The following CDC42BPA variants were observed in gnomAD, a reference collection of about 807,000 sequenced individuals.
The protein encoded by CDC42BPA is serine/threonine-protein kinase MRCK alpha.
Under a neutral mutation model 223.5 loss-of-function variants are expected in CDC42BPA, and 80 were observed. The observed-to-expected ratio is 0.36, with a 90% confidence interval of 0.30 to 0.43. CDC42BPA has a LOEUF of 0.43. Among genes scored for constraint, CDC42BPA ranks in the 20% least tolerant of loss-of-function variants. CDC42BPA has a pLI of 1.00. For synonymous variants in CDC42BPA, 694 were observed against 718.6 expected, an observed-to-expected ratio of 0.97 and a Z score of 0.55; for missense variants, 1,743 against 2,099.9, an observed-to-expected ratio of 0.83 and a Z score of 3.32.
intron 1 of CDC42BPA, among the ~76,000 whole-genome samples, chr1:227,314,973 A>C (rs1177619178): frequency 1.3e-5 from 2 of 152,058 alleles, no homozygotes; most frequent in African/African-American, 4.8e-5. Flanking sequence ...TTGTTAAGTA[A>C]TTAAAATAAA....
At chr1:227,263,338 C>T (rs1246432069) in intron 1 of CDC42BPA, among the ~76,000 whole-genome samples, 1 of 152,064 alleles carries the variant, frequency 6.6e-6, no homozygotes, top group African/African-American at 2.4e-5. Flanking sequence ...GTTACACCTG[C>T]ATGGTATTTA....
chr1:227,059,266 T>C, intron 21 of CDC42BPA: 1 of 882,044 alleles, frequency 1.1e-6, no homozygotes, highest in Non-Finnish European at 1.8e-6. Context: ...GCAATAGATG[T>C]AATAATATAC....
rs979177467 is a variant in CDC42BPA at position 227,215,007 on chromosome 1, T to C, written c.271-1788A>G. On this transcript the variant is annotated intron_variant, in intron 2 of 36. Transcript: ENST00000366766. ...GGCAGCATGTAGTGACATCAGGCTA[T>C]TAATATTCTTGCTTTTTAATCTCAC... Among the ~76,000 whole-genome samples, 85 of 152,324 alleles carry C rather than the reference T, an allele frequency of 5.6e-4. 1 individual carries two copies. In the Middle Eastern group the frequency reaches 0.01, roughly 18 times the overall value.
intron 1 of CDC42BPA, among the ~76,000 whole-genome samples, chr1:227,254,864 T>C (rs1046457382): frequency 4.6e-5 from 7 of 152,158 alleles, no homozygotes; most frequent in African/African-American, 1.7e-4. Context: ...AAATAGAATC[T>C]TGCTGCTTTG....
chr1:227,080,238 C>T (rs1680354583), intron 17 of CDC42BPA, among the ~76,000 whole-genome samples: 2 of 146,658 alleles, frequency 1.4e-5, no homozygotes, highest in Admixed American at 1.4e-4. Context: ...GTTAAGTTAC[C>T]TATTTTTACT....
chr1:227,136,151 GA>G (rs1240319670), intron 10 of CDC42BPA, among the ~76,000 whole-genome samples: 1 of 151,836 alleles, frequency 6.6e-6, no homozygotes, highest in African/African-American at 2.4e-5. Context: ...AGAAAACAGA[GA>G]AAAAAATACA....
intron 21 of CDC42BPA, among the ~76,000 whole-genome samples, chr1:227,064,824 A>G (rs1676645007): frequency 6.6e-6 from 1 of 152,116 alleles, no homozygotes; most frequent in Non-Finnish European, 1.5e-5. Flanking sequence ...CCAGTCAGGC[A>G]TGGTGGCTCA....
intron 14 of CDC42BPA, chr1:227,111,927 T>G: frequency 6.3e-6 from 1 of 159,040 alleles, no homozygotes; most frequent in Non-Finnish European, 1.4e-5. Context: ...ACTATGCCCA[T>G]TATCATCTTA....
chr1:227,132,544 GGCT>G (rs1657386155), intron 10 of CDC42BPA, among the ~76,000 whole-genome samples: 1 of 139,714 alleles, frequency 7.2e-6, no homozygotes, highest in Admixed American at 7.1e-5. Context: ...GCCTCTGCCT[GGCT>G]GCCACCCCGT....
chr1:227,048,779 A>C (rs1005266169), intron 22 of CDC42BPA, among the ~76,000 whole-genome samples: 1 of 148,236 alleles, frequency 6.7e-6, no homozygotes, highest in Admixed American at 6.7e-5. Context: ...AAAGACATGG[A>C]AAGTAACTTC....
chr1:227,210,533 T>C (rs546204049), intron 3 of CDC42BPA, among the ~76,000 whole-genome samples: 46 of 152,346 alleles, frequency 3.0e-4, no homozygotes, highest in Non-Finnish European at 5.1e-4. Context: ...ACTTGTTAAT[T>C]GAATAAAATA....
chr1:227,263,853 A>T (rs1190745760), intron 1 of CDC42BPA, among the ~76,000 whole-genome samples: 3 of 152,208 alleles, frequency 2.0e-5, no homozygotes. Context: ...AAGTGCTGGG[A>T]CTACAGGCAT....
At chr1:227,113,768 T>G (rs1687314095) in intron 12 of CDC42BPA, among the ~76,000 whole-genome samples, 1 of 151,638 alleles carries the variant, frequency 6.6e-6, no homozygotes, top group Non-Finnish European at 1.5e-5. Context: ...ATCCCAGCAC[T>G]TTGGGAGGCT....
chr1:227,067,198 C>T (rs531946957), intron 21 of CDC42BPA, among the ~76,000 whole-genome samples: 5 of 152,108 alleles, frequency 3.3e-5, no homozygotes, highest in East Asian at 1.9e-4. Context: ...GAAATGGCTG[C>T]GGGGTGCTCA....
intron 34 of CDC42BPA, among the ~76,000 whole-genome samples, chr1:227,005,533 T>C (rs1663850727): frequency 6.6e-6 from 1 of 152,226 alleles, no homozygotes; most frequent in Non-Finnish European, 1.5e-5. Flanking sequence ...ATTATATTCT[T>C]CTCAAGAAAA....
intron 32 of CDC42BPA, among the ~76,000 whole-genome samples, chr1:227,022,034 AT>A (rs60059546): frequency 0.41 from 60,873 of 148,842 alleles, 12,658 homozygotes; most frequent in Non-Finnish European, 0.46. Flanking sequence ...CAAAAAAAAA[AT>A]AAAATAAAAA....
At chr1:227,241,897 G>C (rs1190465683) in intron 2 of CDC42BPA, among the ~76,000 whole-genome samples, 1 of 151,988 alleles carries the variant, frequency 6.6e-6, no homozygotes. Flanking sequence ...TTATTAAAAA[G>C]AAATAACACC....
rs1558338514 is a variant in CDC42BPA, at chr1:227,035,484, T to C, written c.3323A>G (p.Glu1108Gly). The part of the protein sequence containing the change: ...DPQKGIGTAY[E>G]GHVRIPKPAG... Reference sequence around the variant, plus strand: ...AATCATACTTACCCTGACATGACCTTCATATGCTGTTCCTATTCCTTTCTG... The same window carrying C: ...AATCATACTTACCCTGACATGACCTCCATATGCTGTTCCTATTCCTTTCTG... Residue 1108 changes from glutamate to glycine, a missense_variant, in exon 25 of 37, where the codon GAA becomes GGA. Physicochemically the swap from Glu to Gly is moderately conservative, Grantham distance 98. This residue lies in a region of CDC42BPA where 678 missense variants were observed against 777.5 expected (regional missense o/e 0.87). Transcript: ENST00000366766. 2 of 1,608,826 alleles carry C rather than the reference T, an allele frequency of 1.2e-6. No individual in the cohort carries two copies. Among genetic ancestry groups the C allele is most frequent in the Non-Finnish European group, 1.7e-6 (2 of 1,178,460 alleles).
chr1:227,258,906 T>C (rs10916110), intron 1 of CDC42BPA, among the ~76,000 whole-genome samples: 26,693 of 150,926 alleles, frequency 0.18, 2,852 homozygotes, highest in Middle Eastern at 0.2. Flanking sequence ...GAAAAAGATA[T>C]AATAATCACT....
Sources: allele counts gnomAD v4.1 joint callset (sites outside exome capture counted in the v4.1 genomes callset), GRCh38; gene constraint gnomAD v4.1.1; regional missense constraint gnomAD v4.1.1; transcripts MANE v1.5; gene names NCBI Gene and HGNC (gene_info 2026-07-23, HGNC 2026-07-21).